Variants in GRAMD2B observed in about 807,000 individuals in gnomAD.
GRAMD2B encodes the protein GRAM domain containing 2B.
A neutral mutation model predicts 59.2 loss-of-function variants in GRAMD2B; 41 were observed. The ratio of observed to expected loss-of-function variants is 0.69; its 90% confidence interval spans 0.54 to 0.90. GRAMD2B has a LOEUF of 0.90. GRAMD2B is among the 40% of genes least tolerant of loss of function. GRAMD2B has a pLI of 0.00. For missense variants in GRAMD2B, 424 were observed against 500.5 expected (o/e 0.85, Z 1.46); for synonymous variants, 161 against 182.7 (o/e 0.88, Z 0.96).
At chr5:126,487,024 TATA>T (rs1325785035) in intron 12 of GRAMD2B, 47 bp downstream of exon 12, 6 of 996,124 alleles carry the variant, frequency 6.0e-6, no homozygotes, top group Admixed American at 1.8e-5. Flanking sequence ...TTCTGCTTAA[TATA>T]ATAATTGACC....
At chr5:126,387,772 A>G (rs1318547107) in intron 1 of GRAMD2B, among the ~76,000 whole-genome samples, 1 of 152,110 alleles carries the variant, frequency 6.6e-6, no homozygotes, top group Admixed American at 6.5e-5. Context: ...ATCAACAGAG[A>G]CTATATATAC....
chr5:126,466,230 A>T, intron 2 of GRAMD2B: 1 of 1,545,942 alleles, frequency 6.5e-7, no homozygotes, highest in South Asian at 1.2e-5. Context: ...GCTACCTTCT[A>T]CTTCTTTTGG....
Position 126,484,762 on chromosome 5 carries a change from T to C in GRAMD2B, c.970+238T>C, listed in dbSNP as rs147177023. Among the ~76,000 whole-genome samples the C allele has an allele frequency of 5.2e-3, 791 of 152,164 alleles. 8 individuals carry two copies. The highest frequency in any genetic ancestry group is 9.6e-3 in the Non-Finnish European group (654 of 67,996). On this transcript the variant is annotated intron_variant, in intron 10 of 13. Coordinates refer to ENST00000285689, the MANE Select transcript of GRAMD2B (RefSeq NM_023927.4). Reference sequence around the variant, plus strand: ...CAATGCCTAGCTAATTTTTGTATTTTTAGTAGAGACAGGGTTTCACCATTT... The same window carrying C: ...CAATGCCTAGCTAATTTTTGTATTTCTAGTAGAGACAGGGTTTCACCATTT...
chr5:126,374,980 G>A (rs1755056331), intron 1 of GRAMD2B, among the ~76,000 whole-genome samples: 1 of 152,092 alleles, frequency 6.6e-6, no homozygotes, highest in South Asian at 2.1e-4. Context: ...ATTACATTAA[G>A]CCTATTGTTC....
chr5:126,371,490 G>A (rs537965978), exon 1 of GRAMD2B: 1 of 1,289,266 alleles, frequency 7.8e-7, no homozygotes, highest in Non-Finnish European at 1.0e-6. Context: ...TCCGGTTTGA[G>A]ACTCCGGGCA....
intron 1 of GRAMD2B, among the ~76,000 whole-genome samples, chr5:126,393,187 C>T (rs1392727905): frequency 6.6e-6 from 1 of 152,110 alleles, no homozygotes; most frequent in Non-Finnish European, 1.5e-5. Context: ...CTTCACTTTC[C>T]CCTTTTCCAT....
intron 1 of GRAMD2B, among the ~76,000 whole-genome samples, chr5:126,451,631 A>G (rs1765385846): frequency 6.6e-6 from 1 of 152,096 alleles, no homozygotes; most frequent in Non-Finnish European, 1.5e-5. Context: ...ACAAGTTAAG[A>G]CTTTTGGGGA....
At position 126,448,775 on chromosome 5, in the gene GRAMD2B, T is replaced by C. The variant is rs1290366017; in HGVS notation, c.84-16651T>C. 3.3e-5 allele frequency among the ~76,000 whole-genome samples: 5 copies of C among 152,182 alleles called. No individual in the cohort carries two copies. The South Asian group carries it at 1.0e-3, about 32-fold the overall frequency. ...TGGAAAGAGAAGGCTAGTCATAGTA[T>C]GAGAGTAATAGAGGCTTCAGTCACT... On this transcript the variant is annotated intron_variant, in intron 1 of 13. Coordinates refer to ENST00000285689, the MANE Select transcript of GRAMD2B (RefSeq NM_023927.4).
intron 1 of GRAMD2B, among the ~76,000 whole-genome samples, chr5:126,374,755 T>C (rs1755042429): frequency 6.6e-6 from 1 of 152,224 alleles, no homozygotes; most frequent in Non-Finnish European, 1.5e-5. Context: ...TAATAAATTG[T>C]CCCACATTAT....
chr5:126,413,594 T>C (rs1377321627), intron 1 of GRAMD2B, among the ~76,000 whole-genome samples: 1 of 152,084 alleles, frequency 6.6e-6, no homozygotes, highest in East Asian at 1.9e-4. Context: ...GGTGGAATGT[T>C]CTGTAGATGT....
chr5:126,467,364 GCTT>G (rs1434383302), intron 2 of GRAMD2B: 4 of 151,768 alleles, frequency 2.6e-5, no homozygotes, highest in African/African-American at 9.7e-5. Context: ...TTTGCACTGG[GCTT>G]CTTGTCACCT....
intron 5 of GRAMD2B, among the ~76,000 whole-genome samples, chr5:126,475,398 T>A (rs1003979837): frequency 1.3e-5 from 2 of 152,220 alleles, no homozygotes; most frequent in African/African-American, 4.8e-5. Flanking sequence ...TTTGTATTGT[T>A]GCTCAGAAAC....
intron 1 of GRAMD2B, among the ~76,000 whole-genome samples, chr5:126,382,473 A>T (rs997226463): frequency 2.0e-5 from 3 of 151,940 alleles, no homozygotes; most frequent in Non-Finnish European, 2.9e-5. Flanking sequence ...TACTTGTTTG[A>T]TTCTATTGTT....
chr5:126,450,987 C>T (rs75592006), intron 1 of GRAMD2B, among the ~76,000 whole-genome samples: 1 of 152,274 alleles, frequency 6.6e-6, no homozygotes, highest in East Asian at 1.9e-4. Context: ...GAGTGCCCAA[C>T]AGGGCACTGC....
intron 2 of GRAMD2B, 84 bp from the exon 3 acceptor site, chr5:126,469,593 C>A (rs1348636011): frequency 7.0e-6 from 6 of 860,948 alleles, no homozygotes; most frequent in South Asian, 1.5e-5. Context: ...CGTGATCATG[C>A]TGCTGCACTT....
At chr5:126,363,215 A>G (rs1257466801) in intron 1 of GRAMD2B, among the ~76,000 whole-genome samples, 2 of 152,196 alleles carry the variant, frequency 1.3e-5, no homozygotes, top group Non-Finnish European at 2.9e-5. Flanking sequence ...AGGACATGCA[A>G]AGATGCTCAG....
intron 2 of GRAMD2B, chr5:126,466,342 T>C (rs770687088): frequency 1.1e-5 from 13 of 1,196,510 alleles, no homozygotes; most frequent in Admixed American, 4.0e-5. Context: ...CAAGAGTAAG[T>C]CTTAACTCCT....
At chr5:126,413,156 T>A (rs977034038) in intron 1 of GRAMD2B, among the ~76,000 whole-genome samples, 10 of 151,842 alleles carry the variant, frequency 6.6e-5, no homozygotes, top group Non-Finnish European at 1.3e-4. Flanking sequence ...TAACTTAGGG[T>A]TTTGTTCTTG....
At chr5:126,445,803 C>G (rs1201765371) in intron 1 of GRAMD2B, among the ~76,000 whole-genome samples, 1 of 152,178 alleles carries the variant, frequency 6.6e-6, no homozygotes, top group Non-Finnish European at 1.5e-5. Flanking sequence ...TTGGGAATCT[C>G]TCTTCTTCAG....
Sources: gnomAD v4.1 joint callset for allele counts (sites outside exome capture counted in the v4.1 genomes callset) on GRCh38, gnomAD v4.1.1 for gene constraint, MANE v1.5 for transcripts, NCBI Gene and HGNC (gene_info 2026-07-23, HGNC 2026-07-21) for gene names.